The following UGT2B28 variants were observed in gnomAD, a reference collection of about 807,000 sequenced individuals.
UGT2B28 encodes the protein UDP glucuronosyltransferase family 2 member B28.
Under a neutral mutation model 43.6 loss-of-function variants are expected in UGT2B28, and 45 were observed. The ratio of observed to expected loss-of-function variants is 1.03; its 90% CI spans 0.81 to 1.32. UGT2B28 has a LOEUF of 1.32. UGT2B28 is among the 40% of genes most tolerant of loss of function. The pLI is 0.00. For missense variants in UGT2B28, 649 were observed against 625.5 expected, an observed-to-expected ratio of 1.04 and a Z score of -0.40; for synonymous variants, 204 against 208.1, an observed-to-expected ratio of 0.98 and a Z score of 0.17.
intron 5 of UGT2B28, among the ~76,000 whole-genome samples, chr4:69,291,761 T>A (rs1478417728): frequency 1.4e-5 from 2 of 140,636 alleles, no homozygotes; most frequent in Non-Finnish European, 3.0e-5. Context: ...TGCTGCCTCA[T>A]GTGAGAACTG....
Position 69,291,773 on chromosome 4 carries a change from A to G in UGT2B28, c.1310+962A>G, listed in dbSNP as rs1196040546. ...AATTGCTGCCTCATGTGAGAACTGTATGTTTATGAAGAACTGCTAAACTGT... is the reference window on the plus strand; with the variant it reads ...AATTGCTGCCTCATGTGAGAACTGTGTGTTTATGAAGAACTGCTAAACTGT... On this transcript the variant is annotated intron_variant, in intron 5 of 5. Coordinates refer to ENST00000335568, the MANE Select transcript of UGT2B28 (RefSeq NM_053039.2). 1.2e-4 allele frequency among the ~76,000 whole-genome samples: 17 copies of G among 140,444 alleles called. 3 individuals carry two copies. The highest frequency in any genetic ancestry group is 4.2e-4 in the African/African-American group (15 of 35,922). 92.1% of individuals were successfully genotyped at this position (140,444 alleles called of 152,430 possible).
chr4:69,283,130 G>A (rs1483820142), intron 2 of UGT2B28, among the ~76,000 whole-genome samples: 2 of 139,972 alleles, frequency 1.4e-5, no homozygotes, highest in Admixed American at 7.2e-5. Flanking sequence ...AGCATCAGTG[G>A]AGATAATAGA....
chr4:69,287,584 A>G lies in UGT2B28; in HGVS notation c.1002+701A>G, dbSNP rs868371076. Among the ~76,000 whole-genome samples, 8 of 140,470 alleles carry G rather than the reference A, an allele frequency of 5.7e-5. 1 individual carries two copies. The highest frequency in any genetic ancestry group is 2.1e-4 in the Admixed American group (3 of 13,986). The allele number at this position is 140,470 out of a possible 152,430, so 92.2% of individuals were successfully genotyped here. ...GGTGAAAGAGAAAGGATGGAGATGG[A>G]TCCTGACCTGAAGGTGGATCCTGTA... On this transcript the variant is annotated intron_variant, in intron 3 of 5. Transcript: ENST00000335568.
chr4:69,283,794 C>A (rs1215694313), intron 2 of UGT2B28, among the ~76,000 whole-genome samples: 1 of 140,216 alleles, frequency 7.1e-6, no homozygotes, highest in Non-Finnish European at 1.5e-5. Flanking sequence ...TTCAGCACAT[C>A]AAGGTTATAT....
At chr4:69,288,751 C>A (rs1329336798) in intron 3 of UGT2B28, among the ~76,000 whole-genome samples, 1 of 138,620 alleles carries the variant, frequency 7.2e-6, no homozygotes, top group Non-Finnish European at 1.5e-5. Flanking sequence ...TCCCACCCTC[C>A]ACCATCCTAT....
rs188160642 is a variant in UGT2B28 at position 69,286,994 on chromosome 4, C to T, written c.1002+111C>T. ...AGACTGAACTCTTTACAGCCAAATA[C>T]AGTCTTAAATATCTTGTGTAGCTTC... On this transcript the variant is annotated intron_variant, in intron 3 of 5. Transcript: ENST00000335568. 644 of 1,464,202 alleles carry T rather than the reference C, an allele frequency of 4.4e-4. 137 individuals carry two copies. In the African/African-American group the frequency reaches 9.5e-3, roughly 22 times the overall value. The allele number at this position is 1,464,202 out of a possible 1,614,324, so 90.7% of individuals were successfully genotyped here.
At chr4:69,286,948 C>T in intron 3 of UGT2B28, 65 bp downstream of exon 3, 1 of 1,529,676 alleles carries the variant, frequency 6.5e-7, no homozygotes, top group Admixed American at 1.9e-5. Flanking sequence ...TTGAGATCTA[C>T]ACAGAAAGAA....
At chr4:69,294,504 T>A in intron 5 of UGT2B28, 26 bp from the exon 6 acceptor site, 2 of 1,511,128 alleles carry the variant, frequency 1.3e-6, no homozygotes, top group Non-Finnish European at 1.8e-6. Context: ...ACTTTCAGTG[T>A]TGGTATCTTT....
In UGT2B28 at chr4:69,282,504, T is replaced by A. The variant is rs1478786033; in HGVS notation, c.722-10T>A. On this transcript the variant is annotated splice_polypyrimidine_tract_variant and intron_variant, in intron 1 of 5. Transcript: ENST00000335568. ...CATCATCCACTTTTTCTTTTCTTTATTCCTGTCAGGAAGACCCACTACCTT... is the reference window on the plus strand; with the variant it reads ...CATCATCCACTTTTTCTTTTCTTTAATCCTGTCAGGAAGACCCACTACCTT... The A allele has an allele frequency of 1.3e-6, 2 of 1,537,578 alleles. No homozygotes were observed.
chr4:69,285,163 A>T (rs1723733161), intron 2 of UGT2B28, among the ~76,000 whole-genome samples: 1 of 139,948 alleles, frequency 7.1e-6, no homozygotes, highest in Admixed American at 7.2e-5. Context: ...TATATACAAT[A>T]AGATTGAAAT....
intron 3 of UGT2B28, among the ~76,000 whole-genome samples, chr4:69,287,459 T>C (rs1723811991): frequency 7.1e-6 from 1 of 140,904 alleles, no homozygotes; most frequent in Admixed American, 7.1e-5. Context: ...TCTTGGTGAA[T>C]GTTTACAATT....
chr4:69,282,507 C>G lies in UGT2B28; in HGVS notation c.722-7C>G. The G allele has an allele frequency of 4.6e-6, 7 of 1,535,810 alleles. 1 individual carries two copies. In the South Asian group the frequency reaches 8.9e-5, roughly 19 times the overall value. On this transcript the variant is annotated splice_region_variant and splice_polypyrimidine_tract_variant and intron_variant, in intron 1 of 5. Coordinates refer to ENST00000335568, the MANE Select transcript of UGT2B28 (RefSeq NM_053039.2). ...CATCCACTTTTTCTTTTCTTTATTCCTGTCAGGAAGACCCACTACCTTATT... is the reference window on the plus strand; with the variant it reads ...CATCCACTTTTTCTTTTCTTTATTCGTGTCAGGAAGACCCACTACCTTATT...
chr4:69,284,031 C>A (rs1472694018), intron 2 of UGT2B28, among the ~76,000 whole-genome samples: 5 of 140,450 alleles, frequency 3.6e-5, no homozygotes, highest in Admixed American at 3.6e-4. Context: ...GTATTTAAAT[C>A]ATTTCTGCAT....
rs1197483941 is a variant in UGT2B28, at chr4:69,294,677, C to G, written c.1458C>G (p.Phe486Leu). 3 of 1,560,246 alleles carry G rather than the reference C, an allele frequency of 1.9e-6. 1 individual carries two copies. The South Asian group carries it at 3.6e-5, about 18-fold the overall frequency. ...TTGCAGCCCGTGACCTCACCTGGTT[C>G]CAGTACCACTCTTTGGATGTGATTG... Reference protein sequence around the residue: ...LRVAARDLTWFQYHSLDVIGF... With the variant: ...LRVAARDLTWLQYHSLDVIGF... Residue 486 changes from phenylalanine to leucine, a missense_variant, in exon 6 of 6, where the codon TTC becomes TTG. Transcript: ENST00000335568.
At chr4:69,293,287 C>T (rs1724004005) in intron 5 of UGT2B28, among the ~76,000 whole-genome samples, 1 of 140,426 alleles carries the variant, frequency 7.1e-6, no homozygotes, top group Admixed American at 7.2e-5. Flanking sequence ...GGGAGTTATT[C>T]TAGGCAGATT....
intron 5 of UGT2B28, among the ~76,000 whole-genome samples, chr4:69,294,151 A>G (rs1250954139): frequency 1.4e-5 from 2 of 140,370 alleles, no homozygotes; most frequent in Non-Finnish European, 3.0e-5. Context: ...TGAATATCCT[A>G]TTTTTCATGA....
intron 1 of UGT2B28, 107 bp from the exon 2 acceptor site, chr4:69,282,407 A>T: frequency 8.2e-7 from 1 of 1,215,806 alleles, no homozygotes; most frequent in Non-Finnish European, 1.1e-6. Context: ...TTCAAAGCAC[A>T]CAAACTTTAC....
At position 69,282,621 on chromosome 4, in the gene UGT2B28, G is replaced by A; in HGVS notation, c.829G>A (p.Val277Ile). 1 of 1,553,534 alleles carries A rather than the reference G, an allele frequency of 6.4e-7. No individual in the cohort carries two copies. Among genetic ancestry groups the A allele is most frequent in the Non-Finnish European group, 8.7e-7 (1 of 1,152,894 alleles). Residue 277 changes from valine (V) to isoleucine (I), a missense_variant, in exon 2 of 6, where the codon GTT becomes ATT. By Grantham distance (29) the Val-to-Ile change is conservative. Coordinates refer to ENST00000335568, the MANE Select transcript of UGT2B28 (RefSeq NM_053039.2). ...TCCATTCTTACCAAACATTGATTTT[G>A]TTGGAGGACTCCACTGCAAACCTGC... ...PHPFLPNIDFVGGLHCKPAKP... is the reference protein window; with the variant it reads ...PHPFLPNIDFIGGLHCKPAKP...
Position 69,291,716 on chromosome 4 carries a change from T to C in UGT2B28, c.1310+905T>C, listed in dbSNP as rs1723960836. ...CTATACATGTCTTTGCATAAACATGTTTTACTTTCTTTTGGGTTGATGCAG... is the reference window on the plus strand; with the variant it reads ...CTATACATGTCTTTGCATAAACATGCTTTACTTTCTTTTGGGTTGATGCAG... On this transcript the variant is annotated intron_variant, in intron 5 of 5. Coordinates refer to ENST00000335568, the MANE Select transcript of UGT2B28 (RefSeq NM_053039.2). Among the ~76,000 whole-genome samples, 2 of 110,776 alleles carry C rather than the reference T, an allele frequency of 1.8e-5. 1 individual carries two copies. Among genetic ancestry groups the C allele is most frequent in the Non-Finnish European group, 3.9e-5 (2 of 51,538 alleles). The allele number at this position is 110,776 out of a possible 152,430, so 72.7% of individuals were successfully genotyped here. A position where few individuals can be genotyped will look rare whatever the true frequency, so the allele number is the denominator to read the frequency against.
Sources: allele counts gnomAD v4.1 joint callset (sites outside exome capture counted in the v4.1 genomes callset), GRCh38; gene constraint gnomAD v4.1.1; transcripts MANE v1.5; gene names NCBI Gene and HGNC (gene_info 2026-07-23, HGNC 2026-07-21).